ZNF26: variants seen among roughly 807,000 people sequenced by gnomAD.
ZNF26 encodes zinc finger protein 26.
A neutral mutation model predicts 54.9 loss-of-function variants in ZNF26; 32 were observed. That is an observed-to-expected ratio of 0.58 (90% CI 0.44 to 0.78). ZNF26 has a LOEUF of 0.78. Among genes scored for constraint, ZNF26 ranks in the 30% least tolerant of loss-of-function variants. ZNF26 has a pLI of 0.00. For missense variants in ZNF26, 524 were observed against 634.0 expected, an observed-to-expected ratio of 0.83 and a Z score of 1.86; for synonymous variants, 221 against 209.2, an observed-to-expected ratio of 1.06 and a Z score of -0.49.
chr12:132,998,509 G>T (rs1437861827), intron 1 of ZNF26, among the ~76,000 whole-genome samples: 2 of 152,168 alleles, frequency 1.3e-5, no homozygotes, highest in African/African-American at 4.8e-5. Flanking sequence ...CTTTTTAAAA[G>T]CTTAGAAGGC....
chr12:133,006,841 C>T, intron 1 of ZNF26: 1 of 582,384 alleles, frequency 1.7e-6, no homozygotes, highest in South Asian at 2.0e-5. Flanking sequence ...GATCCACCCG[C>T]CTTGGCCTCC....
Position 132,986,719 on chromosome 12 carries a change from G to A in ZNF26, c.-122G>A, listed in dbSNP as rs1952828400. On this transcript the variant is annotated 5_prime_UTR_variant, in exon 1 of 4. Coordinates refer to ENST00000328654, the MANE Select transcript of ZNF26 (RefSeq NM_019591.4). Reference sequence around the variant, plus strand: ...GCGTCCCTGCCAACGACTCGGCCCCGGGACGGTCAGGAGCCTGGGGCCCTG... The same window carrying A: ...GCGTCCCTGCCAACGACTCGGCCCCAGGACGGTCAGGAGCCTGGGGCCCTG... 1 of 1,101,112 alleles carries A rather than the reference G, an allele frequency of 9.1e-7. No individual in the cohort carries two copies. Among genetic ancestry groups the A allele is most frequent in the African/African-American group, 1.6e-5 (1 of 63,990 alleles). 68.2% of individuals were successfully genotyped at this position (1,101,112 alleles called of 1,614,324 possible). A position where few individuals can be genotyped will look rare whatever the true frequency, so the allele number is the denominator to read the frequency against.
intron 1 of ZNF26, among the ~76,000 whole-genome samples, chr12:133,000,056 A>G (rs1054232606): frequency 6.6e-6 from 1 of 152,010 alleles, no homozygotes; most frequent in Non-Finnish European, 1.5e-5. Context: ...GCAACTTTGC[A>G]TGGTGTGATT....
chr12:132,991,473 G>C (rs896892021), intron 1 of ZNF26, among the ~76,000 whole-genome samples: 29 of 151,122 alleles, frequency 1.9e-4, no homozygotes, highest in African/African-American at 6.3e-4. Flanking sequence ...ACTCCAGCCC[G>C]GGCGACAGAG....
intron 1 of ZNF26, among the ~76,000 whole-genome samples, chr12:133,002,304 A>G (rs372710355): frequency 6.6e-6 from 1 of 152,102 alleles, no homozygotes; most frequent in African/African-American, 2.4e-5. Flanking sequence ...CAGGATGCCC[A>G]GAATCCAGCC....
rs1953485490 is a variant in ZNF26 at position 133,011,997 on chromosome 12, C to G, written c.*516C>G. The G allele has an allele frequency of 1.3e-5, 2 of 152,090 alleles. No individual in the cohort carries two copies. Among genetic ancestry groups the G allele is most frequent in the African/African-American group, 4.8e-5 (2 of 41,408 alleles). The allele number at this position is 152,090 out of a possible 1,614,324, so 9.4% of individuals were successfully genotyped here. A position where few individuals can be genotyped will look rare whatever the true frequency, so the allele number is the denominator to read the frequency against. ...CCTGAGTTAACACTGAATAGTATTT[C>G]TAAAATTTTTTGTACTTTATTTTTT... On this transcript the variant is annotated 3_prime_UTR_variant, in exon 4 of 4. Transcript: ENST00000328654.
In ZNF26 at chr12:133,011,475, T is replaced by C; in HGVS notation, c.1596T>C (p.His532=). 1.3e-6 allele frequency: 2 copies of C among 1,539,546 alleles called. No homozygotes were observed. The highest frequency in any genetic ancestry group is 1.7e-6 in the Non-Finnish European group (2 of 1,147,130). The stretch of plus-strand genomic sequence containing the variant: ...GGCTTCGTATACATCGGAAGACTCA[T>C]AAATGAGAAATCAGAATGATGCAAT... The part of the protein sequence containing the change: ...NSGLRIHRKT[H]K Residue 532 remains histidine (H), a synonymous_variant, in exon 4 of 4, where the codon CAT becomes CAC. Transcript: ENST00000328654.
intron 1 of ZNF26, chr12:133,005,634 AC>A (rs1457304152): frequency 6.6e-6 from 1 of 152,106 alleles, no homozygotes; most frequent in East Asian, 1.9e-4. Flanking sequence ...TGGAGGTGGG[AC>A]CTTTGGGAGG....
chr12:132,995,032 G>C (rs941789971), intron 1 of ZNF26, among the ~76,000 whole-genome samples: 1 of 152,076 alleles, frequency 6.6e-6, no homozygotes, highest in Non-Finnish European at 1.5e-5. Context: ...ACATACTTAC[G>C]AATGATACTG....
chr12:133,009,738 C>G (rs1397965906), intron 3 of ZNF26, among the ~76,000 whole-genome samples: 2 of 152,148 alleles, frequency 1.3e-5, no homozygotes, highest in East Asian at 3.8e-4. Context: ...GCTTCTTCCT[C>G]AGGAACTTTG....
chr12:133,011,430 A>G lies in ZNF26; in HGVS notation c.1551A>G (p.Lys517=), dbSNP rs1266226886. The G allele has an allele frequency of 1.8e-5, 28 of 1,588,774 alleles. No homozygotes were observed. The highest frequency in any genetic ancestry group is 2.3e-5 in the Non-Finnish European group (27 of 1,169,900). The change falls in exon 4 of 4, where the codon AAA becomes AAG. Residue 517 remains lysine, a synonymous_variant. Transcript: ENST00000328654. ...CATGGAAATGCTCTGAATGTGGGAAATCCTTCTGTTGGAATTCAGGGCTTC... is the reference window on the plus strand; with the variant it reads ...CATGGAAATGCTCTGAATGTGGGAAGTCCTTCTGTTGGAATTCAGGGCTTC... The part of the protein sequence containing the change: ...EKPWKCSECG[K]SFCWNSGLRI...
At chr12:132,986,936 T>C in intron 1 of ZNF26, 63 bp downstream of exon 1, 2 of 1,520,184 alleles carry the variant, frequency 1.3e-6, no homozygotes, top group South Asian at 2.4e-5. Flanking sequence ...CGTTAATCTC[T>C]TCAGGGTTAC....
In ZNF26 at chr12:133,011,160, A is replaced by G. The variant is rs1953464025; in HGVS notation, c.1281A>G (p.Glu427=). 2 of 1,614,102 alleles carry G rather than the reference A, an allele frequency of 1.2e-6. No homozygotes were observed. Among genetic ancestry groups the G allele is most frequent in the Admixed American group, 1.7e-5 (1 of 60,002 alleles). ...CACACACCGGAGAGAGACCCTATGAATGTAGTTTGTGTGAGAGAGCCTTTT... is the reference window on the plus strand; with the variant it reads ...CACACACCGGAGAGAGACCCTATGAGTGTAGTTTGTGTGAGAGAGCCTTTT... ...RRTHTGERPY[E]CSLCERAFCG... is the part of the protein sequence containing the mutation. The change falls in exon 4 of 4, where the codon GAA becomes GAG. Residue 427 remains glutamate (E), a synonymous_variant. Coordinates refer to ENST00000328654, the MANE Select transcript of ZNF26 (RefSeq NM_019591.4).
intron 1 of ZNF26, among the ~76,000 whole-genome samples, chr12:132,987,150 T>C (rs958796204): frequency 2.0e-5 from 3 of 152,188 alleles, no homozygotes; most frequent in Non-Finnish European, 4.4e-5. Flanking sequence ...CATTTCATGT[T>C]TTCTACACAA....
Position 133,001,035 on chromosome 12 carries a change from G to A in ZNF26, c.34-6007G>A, listed in dbSNP as rs1248964370. ...GGGCTCCGTTTCGTCTTCTGCTGTC[G>A]ACCTCCAGCTTCTAATATGGTCACA... On this transcript the variant is annotated intron_variant, in intron 1 of 3. Transcript: ENST00000328654. The surrounding 1 kb of genome is among the most constrained non-coding windows in gnomAD (Gnocchi z 4.7). Among the ~76,000 whole-genome samples, 8 of 151,952 alleles carry A rather than the reference G, an allele frequency of 5.3e-5. No homozygotes were observed. The highest frequency in any genetic ancestry group is 4.4e-5 in the Non-Finnish European group (3 of 68,010).
chr12:133,010,268 C>T lies in ZNF26; in HGVS notation c.389C>T (p.Thr130Ile), dbSNP rs1953439702. The part of the protein sequence containing the change: ...HDSSRQRLYN[T>I]RGKSLTQNSA... ...TCTTCAAGACAGAGACTCTATAACA[C>T]ACGTGGAAAAAGTTTGACACAAAAC... is the stretch of plus-strand genomic sequence containing the variant. Residue 130 changes from threonine to isoleucine, a missense_variant, in exon 4 of 4, where the codon ACA becomes ATA. Coordinates refer to ENST00000328654, the MANE Select transcript of ZNF26 (RefSeq NM_019591.4). 6.2e-7 allele frequency: 1 copy of T among 1,613,818 alleles called. No homozygotes were observed. Among genetic ancestry groups the T allele is most frequent in the Non-Finnish European group, 8.5e-7 (1 of 1,180,004 alleles).
chr12:132,993,705 C>G (rs1026590815), intron 1 of ZNF26, among the ~76,000 whole-genome samples: 2 of 152,158 alleles, frequency 1.3e-5, no homozygotes, highest in African/African-American at 4.8e-5. Context: ...ATCTACCCCC[C>G]TCGGCCTCCC....
chr12:133,002,871 G>A (rs1953249077), intron 1 of ZNF26, among the ~76,000 whole-genome samples: 1 of 152,028 alleles, frequency 6.6e-6, no homozygotes, highest in African/African-American at 2.4e-5. Flanking sequence ...TGATCCACCC[G>A]CCTTGGCCTC....
chr12:133,006,888 T>C, intron 1 of ZNF26, 154 bp from the exon 2 acceptor site: 1 of 1,052,670 alleles, frequency 9.5e-7, no homozygotes, highest in Admixed American at 2.1e-5. Context: ...CTGGCACTCC[T>C]TGATTGATTT....
Sources: gnomAD v4.1 joint callset for allele counts (sites outside exome capture counted in the v4.1 genomes callset) on GRCh38, gnomAD v4.1.1 for gene constraint, Gnocchi (gnomAD v3.1) non-coding constraint, MANE v1.5 for transcripts, NCBI Gene and HGNC (gene_info 2026-07-23, HGNC 2026-07-21) for gene names.